MRTFB: variants seen among roughly 807,000 people sequenced by gnomAD.
The protein encoded by MRTFB is myocardin related transcription factor B, also known as myocardin-related transcription factor B.
Under a neutral mutation model 104.2 loss-of-function variants are expected in MRTFB, and 29 were observed. The ratio of observed to expected loss-of-function variants is 0.28; its 90% confidence interval spans 0.21 to 0.38. The LOEUF (loss-of-function observed/expected upper bound fraction) is 0.38, where lower values mean the gene tolerates loss of function less well. Among genes scored for constraint, MRTFB ranks in the 10% least tolerant of loss-of-function variants. The pLI is 1.00. For synonymous variants in MRTFB, 535 were observed against 519.5 expected (o/e 1.03, Z -0.41); for missense variants, 1,270 against 1,341.6 (o/e 0.95, Z 0.83).
At chr16:14,201,839 A>C (rs574792483) in intron 3 of MRTFB, among the ~76,000 whole-genome samples, 4 of 152,128 alleles carry the variant, frequency 2.6e-5, no homozygotes, top group African/African-American at 9.7e-5. Context: ...TATAATGGGG[A>C]TATTGTAAAT....
At chr16:14,066,715 C>T (rs1426856803), upstream of MRTFB, among the ~76,000 whole-genome samples, 1 of 152,170 alleles carries the variant, frequency 6.6e-6, no homozygotes, top group Non-Finnish European at 1.5e-5. Flanking sequence ...CTCTCATGCC[C>T]AGGCTGGAGT....
At position 14,140,569 on chromosome 16, in the gene MRTFB, G is replaced by A; in HGVS notation, c.-38G>A. ...TGTCTTCAATAGGCCGTGTTTAAGA[G>A]GCGTCTTACACTCCCTGTTGCCAGT... is the stretch of plus-strand genomic sequence containing the variant. On this transcript the variant is annotated 5_prime_UTR_variant, in exon 3 of 17. Transcript: ENST00000571589. 1 of 1,610,040 alleles carries A rather than the reference G, an allele frequency of 6.2e-7. No homozygotes were observed. Among genetic ancestry groups the A allele is most frequent in the Non-Finnish European group, 8.5e-7 (1 of 1,177,288 alleles).
At chr16:14,067,186 C>T (rs1284832154), upstream of MRTFB, among the ~76,000 whole-genome samples, 2 of 151,458 alleles carry the variant, frequency 1.3e-5, no homozygotes, top group Non-Finnish European at 2.9e-5. Flanking sequence ...TAAAACGTTC[C>T]CTCAAATCAT....
At chr16:14,033,203 G>A in the MRTFB span, among the ~76,000 whole-genome samples, 3 of 151,966 alleles carry the variant, frequency 2.0e-5, no homozygotes, top group South Asian at 6.3e-4. Context: ...AGTTTGAAAC[G>A]AGCCTGGGCA....
the MRTFB span, among the ~76,000 whole-genome samples, chr16:14,003,855 C>G: frequency 6.6e-6 from 1 of 152,152 alleles, no homozygotes; most frequent in Non-Finnish European, 1.5e-5. Flanking sequence ...TCCCTAAGTA[C>G]CTGCCTAAGG....
the MRTFB span, among the ~76,000 whole-genome samples, chr16:14,012,299 C>CTTTT: frequency 4.8e-5 from 5 of 104,578 alleles, no homozygotes; most frequent in African/African-American, 1.2e-4. Context: ...TTCTTTCTTT[C>CTTTT]TTTTTTTTTT....
intron 3 of MRTFB, among the ~76,000 whole-genome samples, chr16:14,161,410 T>G (rs1337692530): frequency 2.0e-5 from 3 of 152,190 alleles, no homozygotes; most frequent in Non-Finnish European, 4.4e-5. Flanking sequence ...GGTTCTAGAT[T>G]AGTTGGATGT....
chr16:14,186,611 A>C (rs1212373091), intron 3 of MRTFB: 1 of 924,318 alleles, frequency 1.1e-6, no homozygotes, highest in Non-Finnish European at 1.4e-6. Flanking sequence ...CTGGAATGGC[A>C]AGGGAAAGGG....
At chr16:14,244,767 T>G (rs778871560) in intron 10 of MRTFB, among the ~76,000 whole-genome samples, 1 of 152,238 alleles carries the variant, frequency 6.6e-6, no homozygotes, top group Non-Finnish European at 1.5e-5. Flanking sequence ...CTTACTGATT[T>G]TAAAGACCTT....
chr16:14,027,488 A>C, the MRTFB span, among the ~76,000 whole-genome samples: 1 of 152,230 alleles, frequency 6.6e-6, no homozygotes, highest in Non-Finnish European at 1.5e-5. Flanking sequence ...ACATATGATG[A>C]AATTTCAGAG....
intron 10 of MRTFB, among the ~76,000 whole-genome samples, chr16:14,244,543 T>C (rs1159256555): frequency 6.6e-6 from 1 of 152,242 alleles, no homozygotes; most frequent in Admixed American, 6.5e-5. Flanking sequence ...CAGCAGTGTG[T>C]GATTGTTCTG....
chr16:14,061,157 A>G, the MRTFB span, among the ~76,000 whole-genome samples: 1 of 149,564 alleles, frequency 6.7e-6, no homozygotes, highest in South Asian at 2.1e-4. Context: ...AAAAAAAAAC[A>G]AAAAAAAACA....
At chr16:14,019,518 G>T in the MRTFB span, 6 of 151,924 alleles carry the variant, frequency 3.9e-5, no homozygotes, top group African/African-American at 1.5e-4. Context: ...TCTCTATCAA[G>T]TTTTTTTTCA....
chr16:14,087,543 T>G (rs761797442), intron 2 of MRTFB, among the ~76,000 whole-genome samples: 3 of 152,216 alleles, frequency 2.0e-5, no homozygotes, highest in African/African-American at 7.2e-5. Flanking sequence ...GTGGCAAATA[T>G]TAGAATTTCA....
intron 2 of MRTFB, among the ~76,000 whole-genome samples, chr16:14,099,790 C>T (rs960094608): frequency 6.6e-6 from 1 of 152,012 alleles, no homozygotes; most frequent in Non-Finnish European, 1.5e-5. Flanking sequence ...GCCTCAGCCT[C>T]CCAGGTAGCT....
chr16:14,200,487 G>A (rs777974286), intron 3 of MRTFB: 7 of 1,610,598 alleles, frequency 4.3e-6, no homozygotes, highest in Admixed American at 1.7e-5. Flanking sequence ...TTATTCTTTC[G>A]AGTCAGTGCA....
chr16:14,239,504 T>C (rs975803286), intron 9 of MRTFB, among the ~76,000 whole-genome samples: 1 of 152,244 alleles, frequency 6.6e-6, no homozygotes, highest in African/African-American at 2.4e-5. Flanking sequence ...AGCAATACTT[T>C]CGTATATTTT....
the MRTFB span, among the ~76,000 whole-genome samples, chr16:14,017,647 A>T: frequency 5.1e-5 from 3 of 58,920 alleles, no homozygotes; most frequent in East Asian, 5.8e-4. Context: ...ATATGTATAT[A>T]TGTGTGTGTG....
chr16:14,191,481 C>T (rs2040181486), intron 3 of MRTFB, among the ~76,000 whole-genome samples: 1 of 152,170 alleles, frequency 6.6e-6, no homozygotes, highest in African/African-American at 2.4e-5. Context: ...TGGCATTTCA[C>T]CTTATGCTAG....
Sources: allele counts gnomAD v4.1 joint callset (sites outside exome capture counted in the v4.1 genomes callset), GRCh38; gene constraint gnomAD v4.1.1; transcripts MANE v1.5; gene names NCBI Gene and HGNC (gene_info 2026-07-23, HGNC 2026-07-21).